Variants in ADAM10 observed in about 807,000 individuals in gnomAD.
ADAM10 encodes ADAM metallopeptidase domain 10.
A neutral mutation model predicts 90.1 loss-of-function variants in ADAM10; 17 were observed. The ratio of observed to expected loss-of-function variants is 0.19; its 90% confidence interval spans 0.13 to 0.28. The LOEUF is 0.28. Among genes scored for constraint, ADAM10 ranks in the 10% least tolerant of loss-of-function variants. ADAM10 has a pLI of 1.00. For missense variants in ADAM10, 610 were observed against 914.3 expected (o/e 0.67, Z 4.29); for synonymous variants, 310 against 298.6 (o/e 1.04, Z -0.40).
At chr15:58,625,939 T>A (rs80030892) in intron 10 of ADAM10, among the ~76,000 whole-genome samples, 1 of 152,160 alleles carries the variant, frequency 6.6e-6, no homozygotes, top group African/African-American at 2.4e-5. Context: ...TTTATATAAC[T>A]TTTTTAGAAG....
chr15:58,712,011 C>T (rs538365932), intron 2 of ADAM10, among the ~76,000 whole-genome samples: 54 of 152,012 alleles, frequency 3.6e-4, no homozygotes, highest in African/African-American at 1.3e-3. Flanking sequence ...ATACATACAA[C>T]GTAAGAATCA....
At chr15:58,697,451 C>T (rs1898011284) in intron 2 of ADAM10, among the ~76,000 whole-genome samples, 1 of 152,130 alleles carries the variant, frequency 6.6e-6, no homozygotes, top group Admixed American at 6.5e-5. Context: ...GACAGGTCTA[C>T]CCAGCCCCCT....
chr15:58,640,267 C>T (rs967374159), intron 8 of ADAM10, among the ~76,000 whole-genome samples: 8 of 152,136 alleles, frequency 5.3e-5, no homozygotes, highest in Admixed American at 5.2e-4. Context: ...TCATGCAGTG[C>T]TTCCCTTTTA....
chr15:58,699,643 G>A (rs530143260), intron 2 of ADAM10, among the ~76,000 whole-genome samples: 15 of 151,982 alleles, frequency 9.9e-5, no homozygotes, highest in East Asian at 3.9e-4. Context: ...GCATGGTGGC[G>A]TACACCTTTA....
chr15:58,638,275 C>T (rs1236245752), intron 8 of ADAM10, among the ~76,000 whole-genome samples: 4 of 152,116 alleles, frequency 2.6e-5, no homozygotes, highest in South Asian at 2.1e-4. Context: ...AAGTTGACAA[C>T]GGGAGTCTTC....
intron 1 of ADAM10, among the ~76,000 whole-genome samples, chr15:58,728,596 GAAAAA>G (rs1467622731): frequency 1.3e-5 from 2 of 150,598 alleles, no homozygotes; most frequent in Non-Finnish European, 3.0e-5. Flanking sequence ...AAAAAGAAAA[GAAAAA>G]AGAAAAATGT....
At chr15:58,673,885 C>T (rs2140742368) in intron 4 of ADAM10, among the ~76,000 whole-genome samples, 1 of 152,132 alleles carries the variant, frequency 6.6e-6, no homozygotes, top group South Asian at 2.1e-4. Context: ...CAGGCGCCTG[C>T]CACCACGCCC....
intron 1 of ADAM10, among the ~76,000 whole-genome samples, chr15:58,725,319 C>A (rs1375982426): frequency 2.7e-5 from 4 of 150,902 alleles, no homozygotes; most frequent in Non-Finnish European, 5.9e-5. Flanking sequence ...CTGTTCAAGG[C>A]CAAGAAGTTC....
chr15:58,692,447 C>G (rs1469173020), intron 2 of ADAM10: 3 of 539,638 alleles, frequency 5.6e-6, no homozygotes, highest in African/African-American at 3.9e-5. Context: ...TCATCGGAAC[C>G]CACATCTTCA....
At chr15:58,643,082 G>A (rs956578655) in intron 7 of ADAM10, among the ~76,000 whole-genome samples, 6 of 151,612 alleles carry the variant, frequency 4.0e-5, no homozygotes, top group Non-Finnish European at 8.8e-5. Flanking sequence ...TTTTAAGTTC[G>A]GTTGTTTATT....
chr15:58,646,286 A>C, intron 5 of ADAM10, 82 bp from the exon 6 acceptor site: 1 of 1,369,750 alleles, frequency 7.3e-7, no homozygotes. Context: ...TACTATAAAC[A>C]ATTTCATATT....
chr15:58,620,306 A>G (rs1340667803), intron 11 of ADAM10, among the ~76,000 whole-genome samples: 1 of 151,988 alleles, frequency 6.6e-6, no homozygotes, highest in African/African-American at 2.4e-5. Context: ...ACTCTACTAA[A>G]AATACAAAAA....
intron 2 of ADAM10, among the ~76,000 whole-genome samples, chr15:58,687,747 CACA>C (rs1312533227): frequency 6.6e-6 from 1 of 151,934 alleles, no homozygotes; most frequent in Non-Finnish European, 1.5e-5. Context: ...TATTGATAAA[CACA>C]ACAATTTGTA....
intron 1 of ADAM10, among the ~76,000 whole-genome samples, chr15:58,718,999 G>A (rs1286827922): frequency 6.6e-6 from 1 of 152,154 alleles, no homozygotes; most frequent in African/African-American, 2.4e-5. Context: ...CCCTCTCAGG[G>A]TCCTTCACTA....
At chr15:58,651,465 A>C (rs1338778489) in intron 5 of ADAM10, among the ~76,000 whole-genome samples, 1 of 152,130 alleles carries the variant, frequency 6.6e-6, no homozygotes, top group African/African-American at 2.4e-5. Context: ...CATGAGTTAA[A>C]TTGTTTTAAT....
At chr15:58,685,340 A>C (rs1306370430) in intron 2 of ADAM10, among the ~76,000 whole-genome samples, 1 of 151,094 alleles carries the variant, frequency 6.6e-6, no homozygotes, top group African/African-American at 2.4e-5. Flanking sequence ...GGGTGCCTGT[A>C]GTCCCAGCTA....
At chr15:58,730,550 G>T (rs1302450959) in intron 1 of ADAM10, among the ~76,000 whole-genome samples, 1 of 152,182 alleles carries the variant, frequency 6.6e-6, no homozygotes, top group African/African-American at 2.4e-5. Flanking sequence ...TAAACACTTA[G>T]TTTCATCTGC....
rs563230333 is a variant in ADAM10, at chr15:58,594,457, A to G, written c.*3090T>C. ...CCGCTTGGACAAATCAGATTTCACT[A>G]TCCTAAGACTGTGACAAACACGAAG... is the stretch of plus-strand genomic sequence containing the variant. On this transcript the variant is annotated 3_prime_UTR_variant, in exon 16 of 16. Transcript: ENST00000260408. The G allele has an allele frequency of 1.3e-5, 2 of 152,328 alleles. No homozygotes were observed. Among genetic ancestry groups the G allele is most frequent in the South Asian group, 2.1e-4 (1 of 4,834 alleles). The allele number at this position is 152,328 out of a possible 1,614,324, so 9.4% of individuals were successfully genotyped here.
intron 1 of ADAM10, among the ~76,000 whole-genome samples, chr15:58,724,194 G>C (rs1368414501): frequency 1.3e-5 from 2 of 151,450 alleles, no homozygotes; most frequent in Non-Finnish European, 2.9e-5. Context: ...AAAAAAGAAA[G>C]AAATTCATAT....
Sources: gnomAD v4.1 joint callset for allele counts (sites outside exome capture counted in the v4.1 genomes callset) on GRCh38, gnomAD v4.1.1 for gene constraint, MANE v1.5 for transcripts, NCBI Gene and HGNC (gene_info 2026-07-23, HGNC 2026-07-21) for gene names.